The following ZFP62 variants were observed in gnomAD, a reference collection of about 807,000 sequenced individuals.
The protein encoded by ZFP62 is zinc finger protein 62 homolog.
Under a neutral mutation model 56.4 loss-of-function variants are expected in ZFP62, and 44 were observed. The ratio of observed to expected loss-of-function variants is 0.78; its 90% CI spans 0.61 to 1.00. The LOEUF (loss-of-function observed/expected upper bound fraction) is 1.00, where lower values mean the gene tolerates loss of function less well. ZFP62 is among the 50% of genes least tolerant of loss of function. ZFP62 has a pLI of 0.00. For synonymous variants in ZFP62, 421 were observed against 388.9 expected, an observed-to-expected ratio of 1.08 and a Z score of -0.97; for missense variants, 1,030 against 1,085.7, an observed-to-expected ratio of 0.95 and a Z score of 0.72.
intron 1 of ZFP62, among the ~76,000 whole-genome samples, chr5:180,855,030 C>A (rs1322927671): frequency 6.6e-6 from 1 of 152,178 alleles, no homozygotes; most frequent in Non-Finnish European, 1.5e-5. Context: ...TGAAAACTTA[C>A]TGTAGTTATC....
At chr5:180,854,382 C>T (rs1773864985) in intron 1 of ZFP62, among the ~76,000 whole-genome samples, 1 of 152,146 alleles carries the variant, frequency 6.6e-6, no homozygotes, top group Non-Finnish European at 1.5e-5. Flanking sequence ...GAAAGGGAGG[C>T]CTCTTGCTTA....
At chr5:180,860,715 T>A (rs2127381) in intron 1 of ZFP62, 2 of 148,438 alleles carry the variant, frequency 1.3e-5, no homozygotes, top group Non-Finnish European at 2.9e-5. Flanking sequence ...AAAAAGGTGG[T>A]GGGGTGGAGC....
At chr5:180,853,031 T>C (rs777972839) in intron 1 of ZFP62, among the ~76,000 whole-genome samples, 11 of 152,190 alleles carry the variant, frequency 7.2e-5, no homozygotes, top group Non-Finnish European at 1.3e-4. Context: ...TTTGCCAATA[T>C]CTATCAAAAC....
chr5:180,836,724 C>T, the ZFP62 span, among the ~76,000 whole-genome samples: 1 of 152,192 alleles, frequency 6.6e-6, no homozygotes, highest in Non-Finnish European at 1.5e-5. Context: ...AAGGGCCATG[C>T]TGCCTTGGAA....
rs1172093485 is a variant in ZFP62, at chr5:180,849,032, G to C, written c.2463C>G (p.Phe821Leu). The C allele has an allele frequency of 6.4e-7, 1 of 1,552,112 alleles. No individual in the cohort carries two copies. The highest frequency in any genetic ancestry group is 1.4e-5 in the African/African-American group (1 of 73,144). The change falls in exon 2 of 2, where the codon TTC (phenylalanine) becomes TTG (leucine). Residue 821 changes from phenylalanine to leucine, a missense_variant. By Grantham distance (22) the Phe-to-Leu change is conservative (BLOSUM62 0). Transcript: ENST00000502412. The part of the protein sequence containing the change: ...QPYNCECGKS[F>L]NYRSVLDQHK... ...GCTGGTCAAGGACTGATCTATAATT[G>C]AAGGATTTCCCACACTCACAATTAT...
Position 180,850,082 on chromosome 5 carries a change from A to G in ZFP62, c.1413T>C (p.His471=), listed in dbSNP as rs189987324. 7.0e-5 allele frequency: 109 copies of G among 1,551,764 alleles called. No homozygotes were observed. The East Asian group carries it at 2.4e-3, about 35-fold the overall frequency. ...NAGLKVHRRL[H]TGEKPYKCDV... ...CACACTTATATGGTTTTTCCCCAGT[A>G]TGGAGCCTCCTGTGGACTTTGAGGC... is the stretch of plus-strand genomic sequence containing the variant. The change falls in exon 2 of 2, where the codon CAT becomes CAC. Residue 471 remains histidine, a synonymous_variant. Transcript: ENST00000502412.
At chr5:180,838,403 T>G in the ZFP62 span, among the ~76,000 whole-genome samples, 6 of 152,284 alleles carry the variant, frequency 3.9e-5, no homozygotes, top group African/African-American at 1.4e-4. Flanking sequence ...CATTCTAGAT[T>G]GAAGGAGACT....
downstream of ZFP62, among the ~76,000 whole-genome samples, chr5:180,846,552 C>T (rs1235796584): frequency 6.6e-6 from 1 of 152,200 alleles, no homozygotes; most frequent in African/African-American, 2.4e-5. Context: ...AGAGACCAGC[C>T]TTGCTGGAGG....
intron 1 of ZFP62, among the ~76,000 whole-genome samples, chr5:180,853,227 C>T (rs937274336): frequency 1.3e-5 from 2 of 152,154 alleles, no homozygotes; most frequent in Admixed American, 6.5e-5. Flanking sequence ...ATATACACAA[C>T]GGAGTACTGA....
the ZFP62 span, among the ~76,000 whole-genome samples, chr5:180,837,717 ACT>A: frequency 6.6e-6 from 1 of 152,026 alleles, no homozygotes; most frequent in Non-Finnish European, 1.5e-5. Flanking sequence ...TCCCCACAAG[ACT>A]CTTCTGGGAT....
the ZFP62 span, among the ~76,000 whole-genome samples, chr5:180,827,323 A>G: frequency 6.6e-6 from 1 of 152,248 alleles, no homozygotes; most frequent in African/African-American, 2.4e-5. Flanking sequence ...AGAAAGAAGT[A>G]GACGTAGGAG....
chr5:180,854,473 A>G (rs1347600271), intron 1 of ZFP62, among the ~76,000 whole-genome samples: 8 of 152,260 alleles, frequency 5.3e-5, no homozygotes, highest in Admixed American at 5.2e-4. Flanking sequence ...CTATCAGAGT[A>G]AAGACTGGAT....
rs2113682574 is a variant in ZFP62, at chr5:180,850,532, A to G, written c.963T>C (p.Cys321=). The change falls in exon 2 of 2, where the codon TGT becomes TGC. Residue 321 remains cysteine, a synonymous_variant. Coordinates refer to ENST00000502412, the MANE Select transcript of ZFP62 (RefSeq NM_001172638.2). ...TGCTTTTATGGTTGAGAAGTGTTCT[A>G]CAAGTAATGAAGGCCTTCCCACACT... is the stretch of plus-strand genomic sequence containing the variant. ...CDECGKAFIT[C]RTLLNHKSIH... 6.4e-7 allele frequency: 1 copy of G among 1,554,084 alleles called. No homozygotes were observed.
At chr5:180,827,873 C>T in the ZFP62 span, among the ~76,000 whole-genome samples, 1 of 152,330 alleles carries the variant, frequency 6.6e-6, no homozygotes, top group East Asian at 1.9e-4. Flanking sequence ...ATGCGGGCAG[C>T]AATACTGCTT....
chr5:180,845,699 C>CA (rs1157069245), downstream of ZFP62: 1 of 985,194 alleles, frequency 1.0e-6, no homozygotes, highest in Non-Finnish European at 1.2e-6. Flanking sequence ...CAGCTGTGGC[C>CA]AATTACTCAA....
At position 180,850,761 on chromosome 5, in the gene ZFP62, CT is replaced by C; in HGVS notation, c.733del (p.Arg245GlyfsTer137). The C allele has an allele frequency of 6.2e-7, 1 of 1,604,166 alleles. No homozygotes were observed. On this transcript the variant is annotated frameshift_variant, in exon 2 of 2. Transcript: ENST00000502412. LOFTEE classifies it high-confidence loss of function. The stretch of plus-strand genomic sequence containing the variant: ...ATAGGGCTTCTCCCCAGTGTGGATC[CT>C]TTTATGCTGGTCCAGAACAGAGCTA... ...NYSSVLDQHKRIHTGEKPYEC... is the reference protein window; with the variant it reads ...NYSSVLDQHKXIHTGEKPYEC...
chr5:180,844,920 C>A (rs576801622), downstream of ZFP62, among the ~76,000 whole-genome samples: 4 of 152,278 alleles, frequency 2.6e-5, no homozygotes, highest in African/African-American at 9.6e-5. Context: ...TTATTCCATA[C>A]ATTCTTATGC....
At chr5:180,829,530 G>A in the ZFP62 span, among the ~76,000 whole-genome samples, 4 of 152,258 alleles carry the variant, frequency 2.6e-5, no homozygotes, top group South Asian at 2.1e-4. Flanking sequence ...TTTCTCAGCC[G>A]GCCAACATTT....
chr5:180,854,423 T>G (rs953963837), intron 1 of ZFP62, among the ~76,000 whole-genome samples: 19 of 152,162 alleles, frequency 1.2e-4, no homozygotes, highest in African/African-American at 4.6e-4. Flanking sequence ...TTGATAAATG[T>G]AGAAGGAATA....
Sources: allele counts gnomAD v4.1 joint callset (sites outside exome capture counted in the v4.1 genomes callset), GRCh38; gene constraint gnomAD v4.1.1; transcripts MANE v1.5; gene names NCBI Gene and HGNC (gene_info 2026-07-23, HGNC 2026-07-21).